BCL7A: variants seen among roughly 807,000 people sequenced by gnomAD.
BCL7A encodes B-cell CLL/lymphoma 7 protein family member A.
BCL7A carries 11 observed loss-of-function variants against 28.4 expected under a neutral mutation model. The observed-to-expected ratio is 0.39, with a 90% confidence interval of 0.24 to 0.64. The LOEUF (loss-of-function observed/expected upper bound fraction) is 0.64, where lower values mean the gene tolerates loss of function less well. Ranked by LOEUF, BCL7A falls within the 30% of genes least tolerant of loss-of-function variation. The pLI, the probability that BCL7A is intolerant of heterozygous loss-of-function variation, is 0.50. For missense variants in BCL7A, 222 were observed against 274.8 expected (o/e 0.81, Z 1.36); for synonymous variants, 123 against 103.3 (o/e 1.19, Z -1.15).
chr12:122,022,369 G>A (rs1404375515), intron 1 of BCL7A, among the ~76,000 whole-genome samples, 186 bp downstream of exon 1: 1 of 144,058 alleles, frequency 6.9e-6, no homozygotes, highest in Non-Finnish European at 1.5e-5. Flanking sequence ...GCGCCAGGCT[G>A]GGGCCGCGGC....
At position 122,060,368 on chromosome 12, in the gene BCL7A, G is replaced by A. The variant is rs1408399963; in HGVS notation, c.*1205G>A. 3 of 232,818 alleles carry A rather than the reference G, an allele frequency of 1.3e-5. No individual in the cohort carries two copies. Among genetic ancestry groups the A allele is most frequent in the South Asian group, 1.8e-4 (1 of 5,526 alleles). 14.4% of individuals were successfully genotyped at this position (232,818 alleles called of 1,614,324 possible). On this transcript the variant is annotated 3_prime_UTR_variant, in exon 6 of 6. Transcript: ENST00000261822. The stretch of plus-strand genomic sequence containing the variant: ...GAGTGGGCCTTGATGGCCGGGCCTC[G>A]AAGGCCACAAACAAGGCGTCGAGGA...
intron 1 of BCL7A, among the ~76,000 whole-genome samples, chr12:122,024,760 C>T (rs911025345): frequency 1.3e-5 from 2 of 152,150 alleles, no homozygotes; most frequent in Non-Finnish European, 2.9e-5. Context: ...GAGTATGTCT[C>T]ATGCAATATT....
chr12:122,027,883 T>TA (rs1883663487), intron 1 of BCL7A, among the ~76,000 whole-genome samples: 1 of 152,144 alleles, frequency 6.6e-6, no homozygotes, highest in South Asian at 2.1e-4. Context: ...GAGTATAGCT[T>TA]AATACCCTCA....
intron 5 of BCL7A, 129 bp from the exon 6 acceptor site, chr12:122,058,963 G>A: frequency 1.4e-6 from 1 of 712,724 alleles, no homozygotes; most frequent in East Asian, 2.6e-5. Context: ...CTCGGGTCTG[G>A]AACTGCTGGT....
At chr12:122,036,276 A>C (rs1056293996) in intron 3 of BCL7A, among the ~76,000 whole-genome samples, 2 of 152,162 alleles carry the variant, frequency 1.3e-5, no homozygotes, top group African/African-American at 4.8e-5. Flanking sequence ...ACGCACCTGT[A>C]GTCCTGGCTC....
intron 4 of BCL7A, among the ~76,000 whole-genome samples, chr12:122,049,387 A>G (rs530112150): frequency 1.1e-4 from 16 of 152,130 alleles, no homozygotes; most frequent in African/African-American, 3.6e-4. Flanking sequence ...TGGGTCTTCA[A>G]ATATGCTGGA....
rs528918965 is a variant in BCL7A at position 122,039,090 on chromosome 12, A to C, written c.271+3663A>C. Among the ~76,000 whole-genome samples, 187 of 152,054 alleles carry C rather than the reference A, an allele frequency of 1.2e-3. 2 individuals carry two copies. The highest frequency in any genetic ancestry group is 1.1e-3 in the Non-Finnish European group (75 of 67,988). ...GGCGGGCAGATCATGAGGTTGGGAGATCGAGACCATCCTGGCTAACACGGT... is the reference window on the plus strand; with the variant it reads ...GGCGGGCAGATCATGAGGTTGGGAGCTCGAGACCATCCTGGCTAACACGGT... On this transcript the variant is annotated intron_variant, in intron 3 of 5. Transcript: ENST00000261822.
chr12:122,048,192 T>C (rs1352199282), intron 4 of BCL7A, among the ~76,000 whole-genome samples: 1 of 151,320 alleles, frequency 6.6e-6, no homozygotes, highest in African/African-American at 2.4e-5. Context: ...CGTGAGCCAC[T>C]GCGCCTAGGC....
Position 122,061,031 on chromosome 12 carries a change from G to C in BCL7A, c.*1868G>C, listed in dbSNP as rs1340492908. 4.4e-6 allele frequency: 1 copy of C among 226,188 alleles called. No individual in the cohort carries two copies. The highest frequency in any genetic ancestry group is 8.8e-6 in the Non-Finnish European group (1 of 113,508). 14.0% of individuals were successfully genotyped at this position (226,188 alleles called of 1,614,324 possible). ...TCAGTTTTGTTGAGAACTGTGTCCT[G>C]CATCCTGGCGCAGAACCTACCTGAT... On this transcript the variant is annotated 3_prime_UTR_variant, in exon 6 of 6. Transcript: ENST00000261822.
chr12:122,041,898 G>A (rs943556308), intron 3 of BCL7A, among the ~76,000 whole-genome samples: 16 of 152,136 alleles, frequency 1.1e-4, no homozygotes, highest in Admixed American at 2.0e-4. Context: ...GCGAAACCCC[G>A]TCTCTACTAA....
At chr12:122,023,242 T>A (rs188318448) in intron 1 of BCL7A, among the ~76,000 whole-genome samples, 3 of 152,296 alleles carry the variant, frequency 2.0e-5, no homozygotes, top group Middle Eastern at 3.4e-3. Context: ...ATTTCAACTT[T>A]ATTATTTTTT....
intron 3 of BCL7A, among the ~76,000 whole-genome samples, chr12:122,037,721 C>T (rs958882327): frequency 2.6e-5 from 4 of 151,882 alleles, no homozygotes; most frequent in African/African-American, 9.7e-5. Context: ...CTGAGGTGGG[C>T]GGATCACCTG....
chr12:122,057,963 G>A (rs1951889602), intron 5 of BCL7A, among the ~76,000 whole-genome samples: 1 of 152,072 alleles, frequency 6.6e-6, no homozygotes, highest in Non-Finnish European at 1.5e-5. Flanking sequence ...GCTGAGGCAG[G>A]AGGATCCCTT....
intron 1 of BCL7A, among the ~76,000 whole-genome samples, chr12:122,027,446 A>G (rs1309626568): frequency 6.6e-6 from 1 of 152,094 alleles, no homozygotes; most frequent in African/African-American, 2.4e-5. Context: ...AGGCCAAGGC[A>G]GGAAGATCAC....
intron 1 of BCL7A, among the ~76,000 whole-genome samples, chr12:122,024,551 C>G (rs1883572555): frequency 6.6e-6 from 1 of 150,890 alleles, no homozygotes; most frequent in Admixed American, 6.6e-5. Flanking sequence ...ATCTCACCTT[C>G]CCCGCGCCTT....
chr12:122,039,112 C>T (rs1053691805), intron 3 of BCL7A, among the ~76,000 whole-genome samples: 59 of 151,842 alleles, frequency 3.9e-4, no homozygotes, highest in African/African-American at 1.1e-3. Flanking sequence ...CTGGCTAACA[C>T]GGTGAAACCC....
chr12:122,041,685 G>C (rs1593029862), intron 3 of BCL7A, among the ~76,000 whole-genome samples: 1 of 152,146 alleles, frequency 6.6e-6, no homozygotes, highest in South Asian at 2.1e-4. Flanking sequence ...GATGGCTTGA[G>C]CCTAGGAGTT....
At chr12:122,023,774 A>G (rs1593020134) in intron 1 of BCL7A, among the ~76,000 whole-genome samples, 1 of 152,308 alleles carries the variant, frequency 6.6e-6, no homozygotes, top group Admixed American at 6.5e-5. Flanking sequence ...CACGCTGGAA[A>G]ACAACCCGCA....
intron 4 of BCL7A, among the ~76,000 whole-genome samples, chr12:122,044,943 T>C (rs574557346): frequency 4.9e-4 from 74 of 152,222 alleles, no homozygotes; most frequent in Admixed American, 2.9e-3. Context: ...TCTTGCTGAA[T>C]GACCTGGAGA....
Sources: gnomAD v4.1 joint callset for allele counts (sites outside exome capture counted in the v4.1 genomes callset) on GRCh38, gnomAD v4.1.1 for gene constraint, MANE v1.5 for transcripts, NCBI Gene and HGNC (gene_info 2026-07-23, HGNC 2026-07-21) for gene names.